CYP3A5: variants seen among roughly 807,000 people sequenced by gnomAD.
The protein encoded by CYP3A5 is cytochrome P450 family 3 subfamily A member 5.
A neutral mutation model predicts 55.9 loss-of-function variants in CYP3A5; 51 were observed. The ratio of observed to expected loss-of-function variants is 0.91; its 90% CI spans 0.73 to 1.15. The LOEUF (loss-of-function observed/expected upper bound fraction) is 1.15, where lower values mean the gene tolerates loss of function less well. Among genes scored for constraint, CYP3A5 ranks in the 50% most tolerant of loss-of-function variants. The pLI, the probability that CYP3A5 is intolerant of heterozygous loss-of-function variation, is 0.00. For missense variants in CYP3A5, 533 were observed against 596.6 expected, an observed-to-expected ratio of 0.89 and a Z score of 1.11; for synonymous variants, 196 against 213.9, an observed-to-expected ratio of 0.92 and a Z score of 0.73.
In CYP3A5 at chr7:99,663,979, CGTT is replaced by C. The variant is rs1209639846; in HGVS notation, c.784_786del (p.Asn262del). ...CCATCAGATTTTACCTTTTGTTTGT[CGTT>C]GAGGCGACTTTTCTTCATTCTGTTT... is the stretch of plus-strand genomic sequence containing the variant. On this transcript the variant is annotated inframe_deletion, in exon 8 of 13. Transcript: ENST00000222982. 1.3e-6 allele frequency: 2 copies of C among 1,584,156 alleles called. No individual in the cohort carries two copies. Among genetic ancestry groups the C allele is most frequent in the Non-Finnish European group, 1.7e-6 (2 of 1,172,684 alleles).
intron 5 of CYP3A5, 87 bp downstream of exon 5, chr7:99,666,865 C>T: frequency 6.3e-7 from 1 of 1,591,044 alleles, no homozygotes; most frequent in Non-Finnish European, 8.6e-7. Context: ...GTGGACTACC[C>T]CTTGGAAACG....
In CYP3A5 at chr7:99,653,394, T is replaced by C. The variant is rs1809372982; in HGVS notation, c.1027-615A>G. Among the ~76,000 whole-genome samples the C allele has an allele frequency of 6.6e-6, 1 of 152,018 alleles. No homozygotes were observed. The highest frequency in any genetic ancestry group is 1.5e-5 in the Non-Finnish European group (1 of 67,996). ...TGAGCCTGGGAGGCAGAGTTTGCAGTGAGCTGAGATTGCACCACTGCCCTC... is the reference window on the plus strand; with the variant it reads ...TGAGCCTGGGAGGCAGAGTTTGCAGCGAGCTGAGATTGCACCACTGCCCTC... On this transcript the variant is annotated intron_variant, in intron 10 of 12. Transcript: ENST00000222982. This position sits in a 1 kb window ranked among gnomAD's most constrained non-coding sequence, Gnocchi z 4.2.
chr7:99,648,398 G>T lies in CYP3A5; in HGVS notation c.1416C>A (p.Ile472=). ...GTCCTTGCGTGTCTAATTTCAAGGG[G>T]ATCTACAATAGTTAAACAAGCATAT... is the stretch of plus-strand genomic sequence containing the variant. The part of the protein sequence containing the change: ...FSFKPCKETQ[I]PLKLDTQGLL... Residue 472 remains isoleucine, a splice_region_variant and synonymous_variant, in exon 13 of 13, where the codon ATC becomes ATA. Transcript: ENST00000222982. The T allele has an allele frequency of 6.4e-7, 1 of 1,562,712 alleles. No homozygotes were observed. Among genetic ancestry groups the T allele is most frequent in the Non-Finnish European group, 8.7e-7 (1 of 1,146,192 alleles).
chr7:99,671,688 T>C (rs1243391398), intron 4 of CYP3A5: 2 of 619,864 alleles, frequency 3.2e-6, no homozygotes. Context: ...TTTTCAGACT[T>C]AACACCAAAA....
At chr7:99,661,418 A>T (rs935980274) in intron 9 of CYP3A5, among the ~76,000 whole-genome samples, 3 of 152,238 alleles carry the variant, frequency 2.0e-5, no homozygotes, top group African/African-American at 4.8e-5. Context: ...GGACTATCTC[A>T]GGATGTACAA....
At position 99,658,164 on chromosome 7, in the gene CYP3A5, T is replaced by G. The variant is rs1172003204; in HGVS notation, c.1026+2335A>C. Reference sequence around the variant, plus strand: ...TATTTTGCTCGTTAGTTGATGCAGTTTCTCCTTAGCCTCGATGGTCTTTAC... The same window carrying G: ...TATTTTGCTCGTTAGTTGATGCAGTGTCTCCTTAGCCTCGATGGTCTTTAC... On this transcript the variant is annotated intron_variant, in intron 10 of 12. Transcript: ENST00000222982. 2.6e-5 allele frequency among the ~76,000 whole-genome samples: 4 copies of G among 152,216 alleles called. 1 individual carries two copies. In the East Asian group the frequency reaches 5.8e-4, roughly 22 times the overall value.
chr7:99,648,451 G>C, intron 12 of CYP3A5, 51 bp from the exon 13 acceptor site: 120 of 1,168,686 alleles, frequency 1.0e-4, no homozygotes, highest in Non-Finnish European at 1.3e-4. Context: ...AGTGAAAGAA[G>C]AAAAGATGGA....
intron 4 of CYP3A5, among the ~76,000 whole-genome samples, chr7:99,669,192 T>C (rs1245159474): frequency 6.6e-6 from 1 of 152,244 alleles, no homozygotes; most frequent in Non-Finnish European, 1.5e-5. Context: ...GACTTTTTCT[T>C]GTTGAGGCAA....
chr7:99,670,132 T>C (rs1182589970), intron 4 of CYP3A5, among the ~76,000 whole-genome samples: 1 of 152,196 alleles, frequency 6.6e-6, no homozygotes, highest in Non-Finnish European at 1.5e-5. Flanking sequence ...GATGGTTAAG[T>C]CAAGGCAAAA....
intron 2 of CYP3A5, 45 bp downstream of exon 2, chr7:99,676,070 T>C (rs1171058117): frequency 6.5e-7 from 1 of 1,539,004 alleles, no homozygotes; most frequent in African/African-American, 1.4e-5. Flanking sequence ...ACTAAGCTGA[T>C]GTTTGCAACC....
At chr7:99,668,571 GT>G (rs1811266550) in intron 4 of CYP3A5, among the ~76,000 whole-genome samples, 1 of 152,198 alleles carries the variant, frequency 6.6e-6, no homozygotes, top group Admixed American at 6.5e-5. Flanking sequence ...GGTAATCAGA[GT>G]ATGTCACATC....
rs373877216 is a variant in CYP3A5, at chr7:99,672,664, T to C, written c.234A>G (p.Gln78=). 1.2e-5 allele frequency: 20 copies of C among 1,614,002 alleles called. No individual in the cohort carries two copies. The South Asian group carries it at 1.4e-4, about 12-fold the overall frequency. Residue 78 remains glutamine, a synonymous_variant, in exon 4 of 13, where the codon CAA becomes CAG. Coordinates refer to ENST00000222982, the MANE Select transcript of CYP3A5 (RefSeq NM_000777.5). ...GATCTGTGATGGCCAGCACAGGGAG[T>C]TGACCTTCATACGTTCTGTGTGGGG... ...YGKMWGTYEG[Q]LPVLAITDPD...
At position 99,663,939 on chromosome 7, in the gene CYP3A5, A is replaced by C; in HGVS notation, c.798+29T>G. 6 of 1,561,070 alleles carry C rather than the reference A, an allele frequency of 3.8e-6. No individual in the cohort carries two copies. The Middle Eastern group carries it at 7.5e-4, about 195-fold the overall frequency. On this transcript the variant is annotated intron_variant, in intron 8 of 12. Transcript: ENST00000222982. Reference sequence around the variant, plus strand: ...AATCTAAATTTATCAAAACCTAAACATCGTCATTTAACCACCATCAGATTT... The same window carrying C: ...AATCTAAATTTATCAAAACCTAAACCTCGTCATTTAACCACCATCAGATTT...
intron 6 of CYP3A5, 70 bp downstream of exon 6, chr7:99,666,531 G>C: frequency 1.3e-6 from 2 of 1,511,234 alleles, no homozygotes; most frequent in Non-Finnish European, 1.8e-6. Flanking sequence ...CAGTGCGACT[G>C]TCGACTCCAT....
At chr7:99,656,645 C>A (rs1809768915) in intron 10 of CYP3A5, among the ~76,000 whole-genome samples, 1 of 152,186 alleles carries the variant, frequency 6.6e-6, no homozygotes, top group Non-Finnish European at 1.5e-5. Flanking sequence ...GGAATAGTTT[C>A]AGAAAGAATG....
At chr7:99,657,123 A>G (rs1809825151) in intron 10 of CYP3A5, among the ~76,000 whole-genome samples, 1 of 152,114 alleles carries the variant, frequency 6.6e-6, no homozygotes, top group Non-Finnish European at 1.5e-5. Flanking sequence ...GCCTTCTGCT[A>G]TCTTTTGAAT....
chr7:99,652,810 T>G (rs1809325272), intron 10 of CYP3A5, 31 bp from the exon 11 acceptor site: 3 of 1,566,938 alleles, frequency 1.9e-6, no homozygotes, highest in Admixed American at 3.4e-5. Flanking sequence ...TTGGATAATC[T>G]GAGATTTTGA....
intron 2 of CYP3A5, among the ~76,000 whole-genome samples, chr7:99,675,256 A>G (rs1812103808): frequency 6.6e-6 from 1 of 152,254 alleles, no homozygotes; most frequent in Non-Finnish European, 1.5e-5. Flanking sequence ...CTTCTGAAAC[A>G]TAAAAACAAA....
Position 99,665,200 on chromosome 7 carries a change from T to C in CYP3A5, c.636A>G (p.Lys212=). ...GAAATAATGGATCTAAGAAACCAAA[T>C]TTTAGGAACTTCTTAGTGCTCTCCA... ...PFVESTKKFL[K]FGFLDPLFLS... is the part of the protein sequence containing the mutation. The change falls in exon 7 of 13, where the codon AAA becomes AAG. Residue 212 remains lysine, a synonymous_variant. Coordinates refer to ENST00000222982, the MANE Select transcript of CYP3A5 (RefSeq NM_000777.5). 6.2e-7 allele frequency: 1 copy of C among 1,613,884 alleles called. No homozygotes were observed. Among genetic ancestry groups the C allele is most frequent in the Non-Finnish European group, 8.5e-7 (1 of 1,179,830 alleles).
Sources: allele counts gnomAD v4.1 joint callset (sites outside exome capture counted in the v4.1 genomes callset), GRCh38; gene constraint gnomAD v4.1.1; non-coding constraint Gnocchi (gnomAD v3.1); transcripts MANE v1.5; gene names NCBI Gene and HGNC (gene_info 2026-07-23, HGNC 2026-07-21).